AGTPBP1: variants seen among roughly 807,000 people sequenced by gnomAD.
The protein encoded by AGTPBP1 is cytosolic carboxypeptidase 1.
A neutral mutation model predicts 143.9 loss-of-function variants in AGTPBP1; 70 were observed. The observed-to-expected ratio is 0.49, with a 90% CI of 0.40 to 0.59. The LOEUF is 0.59. Among genes scored for constraint, AGTPBP1 ranks in the 20% least tolerant of loss-of-function variants. The probability of loss-of-function intolerance (pLI) is 0.00; values close to 1 mark genes in which losing one functional copy is unlikely to be tolerated. For synonymous variants in AGTPBP1, 463 were observed against 500.2 expected, an observed-to-expected ratio of 0.93 and a Z score of 0.99; for missense variants, 1,229 against 1,464.5, an observed-to-expected ratio of 0.84 and a Z score of 2.62.
intron 17 of AGTPBP1, among the ~76,000 whole-genome samples, chr9:85,610,048 G>C (rs991738604): frequency 6.6e-6 from 1 of 152,172 alleles, no homozygotes; most frequent in African/African-American, 2.4e-5. Flanking sequence ...ATCCATTCTA[G>C]GGAGGCAGAG....
the AGTPBP1 span, chr9:85,764,828 C>G: frequency 7.6e-7 from 1 of 1,320,386 alleles, no homozygotes; most frequent in South Asian, 1.2e-5. Context: ...GATTTCAGAG[C>G]AAGTTGAAGT....
chr9:85,682,458 C>A (rs970729171), intron 3 of AGTPBP1, among the ~76,000 whole-genome samples: 1 of 152,124 alleles, frequency 6.6e-6, no homozygotes, highest in African/African-American at 2.4e-5. Flanking sequence ...AGTGAAAAGA[C>A]CAGGTCATCA....
At chr9:85,753,684 G>A in the AGTPBP1 span, among the ~76,000 whole-genome samples, 3 of 151,624 alleles carry the variant, frequency 2.0e-5, no homozygotes, top group Non-Finnish European at 4.4e-5. Context: ...CCCTGGAGGT[G>A]GAGGCTGCAG....
chr9:85,744,441 G>A (rs779358543), upstream of AGTPBP1, among the ~76,000 whole-genome samples: 55 of 152,130 alleles, frequency 3.6e-4, 1 homozygote, highest in Non-Finnish European at 3.1e-4. Flanking sequence ...AAACCATGTT[G>A]ATCCAGGATT....
At chr9:85,556,204 CAAAAGGTG>C (rs1826332043) in intron 25 of AGTPBP1, among the ~76,000 whole-genome samples, 1 of 151,754 alleles carries the variant, frequency 6.6e-6, no homozygotes, top group Admixed American at 6.6e-5. Flanking sequence ...GACAATAACA[CAAAAGGTG>C]AAAAGGTGAG....
At chr9:85,677,364 G>T in intron 6 of AGTPBP1, 72 bp downstream of exon 6, 1 of 1,393,820 alleles carries the variant, frequency 7.2e-7, no homozygotes, top group Non-Finnish European at 9.8e-7. Flanking sequence ...AAACTGAGTA[G>T]TTACAAGGTG....
chr9:85,713,684 A>G (rs1307367160), intron 1 of AGTPBP1, among the ~76,000 whole-genome samples: 4 of 152,256 alleles, frequency 2.6e-5, no homozygotes, highest in African/African-American at 9.6e-5. Context: ...CTGATGAAGT[A>G]GAAGATATTC....
At chr9:85,793,728 G>C in the AGTPBP1 span, among the ~76,000 whole-genome samples, 1 of 152,160 alleles carries the variant, frequency 6.6e-6, no homozygotes, top group Non-Finnish European at 1.5e-5. Flanking sequence ...AAGGAAGCTA[G>C]GTTTAAGCAT....
At chr9:85,799,067 T>C in the AGTPBP1 span, among the ~76,000 whole-genome samples, 1 of 151,982 alleles carries the variant, frequency 6.6e-6, no homozygotes, top group African/African-American at 2.4e-5. Flanking sequence ...CATCTATGAG[T>C]GAGAACGTGC....
intron 25 of AGTPBP1, among the ~76,000 whole-genome samples, chr9:85,569,617 A>G (rs1388359433): frequency 2.0e-5 from 3 of 152,154 alleles, no homozygotes. Context: ...AAACAAAACA[A>G]TAACAACAAA....
chr9:85,741,651 T>G (rs1824293720), intron 1 of AGTPBP1, 124 bp downstream of exon 1: 1 of 1,247,734 alleles, frequency 8.0e-7, no homozygotes, highest in African/African-American at 1.6e-5. Flanking sequence ...ACCCGTCAGG[T>G]AAGGGGCGCA....
intron 17 of AGTPBP1, among the ~76,000 whole-genome samples, chr9:85,612,301 A>G (rs1463439691): frequency 1.3e-5 from 2 of 152,180 alleles, no homozygotes; most frequent in African/African-American, 2.4e-5. Context: ...AGGGAAAGGA[A>G]AGGAGATGTA....
chr9:85,626,030 G>A (rs1035574545), intron 14 of AGTPBP1, among the ~76,000 whole-genome samples: 2 of 138,542 alleles, frequency 1.4e-5, no homozygotes, highest in Non-Finnish European at 3.0e-5. Context: ...CTAATGTTAT[G>A]GACTATAAAA....
intron 6 of AGTPBP1, among the ~76,000 whole-genome samples, chr9:85,674,685 C>G (rs1834712635): frequency 6.6e-6 from 1 of 152,016 alleles, no homozygotes. Context: ...CCTAATATAC[C>G]TGGAAAATTA....
intron 24 of AGTPBP1, among the ~76,000 whole-genome samples, chr9:85,575,902 ATTACT>A (rs1325981256): frequency 6.6e-6 from 1 of 152,148 alleles, no homozygotes; most frequent in Non-Finnish European, 1.5e-5. Context: ...ACATTTGAAC[ATTACT>A]TTATAGATAC....
At chr9:85,610,218 A>G (rs1287621737) in intron 17 of AGTPBP1, among the ~76,000 whole-genome samples, 1 of 152,204 alleles carries the variant, frequency 6.6e-6, no homozygotes, top group Non-Finnish European at 1.5e-5. Context: ...GAGAAAGTGA[A>G]AGAGAAGCTT....
At chr9:85,657,334 T>C (rs1301147048) in intron 10 of AGTPBP1, 101 bp downstream of exon 10, 2 of 1,016,164 alleles carry the variant, frequency 2.0e-6, no homozygotes, top group Non-Finnish European at 2.8e-6. Context: ...GCATTTATCC[T>C]GTGTATACGT....
intron 11 of AGTPBP1, among the ~76,000 whole-genome samples, chr9:85,651,796 A>G (rs1162636952): frequency 1.3e-5 from 2 of 152,246 alleles, no homozygotes; most frequent in African/African-American, 4.8e-5. Flanking sequence ...ATTCAGAAGA[A>G]TAAGTATCAA....
chr9:85,723,465 T>G (rs1838264854), intron 1 of AGTPBP1, among the ~76,000 whole-genome samples: 1 of 152,158 alleles, frequency 6.6e-6, no homozygotes, highest in Non-Finnish European at 1.5e-5. Context: ...GCACTAGCTG[T>G]GAGCAAGCCT....
Sources: allele counts gnomAD v4.1 joint callset (sites outside exome capture counted in the v4.1 genomes callset), GRCh38; gene constraint gnomAD v4.1.1; transcripts MANE v1.5; gene names NCBI Gene and HGNC (gene_info 2026-07-23, HGNC 2026-07-21).